Variants in KCNH2 observed in about 807,000 individuals in gnomAD.
The protein encoded by KCNH2 is voltage-gated inwardly rectifying potassium channel KCNH2.
Under a neutral mutation model 95.9 loss-of-function variants are expected in KCNH2, and 35 were observed. The observed-to-expected ratio is 0.37, with a 90% CI of 0.28 to 0.48. The LOEUF is 0.48. KCNH2 is among the 20% of genes least tolerant of loss of function. The pLI is 0.99. For synonymous variants in KCNH2, 786 were observed against 754.7 expected (o/e 1.04, Z -0.68); for missense variants, 1,274 against 1,702.9 (o/e 0.75, Z 4.43).
chr7:150,949,286 A>T, intron 9 of KCNH2: 1 of 1,375,972 alleles, frequency 7.3e-7, no homozygotes, highest in Non-Finnish European at 9.5e-7. Context: ...AGCAAATGAG[A>T]CCCAGCCAGC....
chr7:150,962,620 CGAGA>C lies in KCNH2; in HGVS notation c.308-2888_308-2885del, dbSNP rs1433201410. Among the ~76,000 whole-genome samples, 2 of 72,276 alleles carry C rather than the reference CGAGA, an allele frequency of 2.8e-5. No homozygotes were observed. Among genetic ancestry groups the C allele is most frequent in the African/African-American group, 1.3e-4 (2 of 15,708 alleles). 47.4% of individuals were successfully genotyped at this position (72,276 alleles called of 152,430 possible). ...TGTAACTCACACTTACACACACACA[CGAGA>C]GACAGAGAGAGAGAGAGAGAGAGAG... On this transcript the variant is annotated intron_variant, in intron 2 of 14. Coordinates refer to ENST00000262186, the MANE Select transcript of KCNH2 (RefSeq NM_000238.4). The surrounding 1 kb of genome is among the most constrained non-coding windows in gnomAD (Gnocchi z 5.7).
At chr7:150,975,225 T>G (rs1037395509) in intron 1 of KCNH2, among the ~76,000 whole-genome samples, 5 of 151,946 alleles carry the variant, frequency 3.3e-5, no homozygotes, top group Non-Finnish European at 7.4e-5. Flanking sequence ...GCCTCCTCCA[T>G]GCCCGAGGCT....
Position 150,945,475 on chromosome 7 carries a change from C to T in KCNH2, c.3370G>A (p.Ala1124Thr). Residue 1124 changes from alanine to threonine, a missense_variant, in exon 15 of 15, where the codon GCC becomes ACC. Physicochemically the swap from Ala to Thr is moderately conservative, Grantham distance 58. Transcript: ENST00000262186. The surrounding 1 kb of genome is among the most constrained non-coding windows in gnomAD (Gnocchi z 5.6). ...GGGCCTTCTTGGGGAAGCTCTGGGG[C>T]CCCCGGGGGCAGCTCCTCACACGCC... ...FMACEELPPG[A>T]PELPQEGPTR... is the part of the protein sequence containing the mutation. 1.9e-6 allele frequency: 3 copies of T among 1,556,676 alleles called. No homozygotes were observed. The highest frequency in any genetic ancestry group is 2.4e-5 in the South Asian group (2 of 84,532).
At chr7:150,967,777 A>G (rs934532401) in intron 2 of KCNH2, among the ~76,000 whole-genome samples, 1 of 152,248 alleles carries the variant, frequency 6.6e-6, no homozygotes, top group African/African-American at 2.4e-5. Flanking sequence ...ATCAAAATTA[A>G]GTATCTTTGT....
chr7:150,968,255 G>A (rs929468508), intron 2 of KCNH2, among the ~76,000 whole-genome samples: 2 of 152,212 alleles, frequency 1.3e-5, no homozygotes, highest in Non-Finnish European at 2.9e-5. Context: ...TCCCGGGCGT[G>A]TATCCCACAG....
rs56282717 is a variant in KCNH2, at chr7:150,960,007, G to A, written c.308-271C>T. On this transcript the variant is annotated intron_variant, in intron 2 of 14. Transcript: ENST00000262186. ...TGATTTATCTAGCTCTTTCCCGGCTGCACTTTTTCTCACGCTGGCTATGAT... is the reference window on the plus strand; with the variant it reads ...TGATTTATCTAGCTCTTTCCCGGCTACACTTTTTCTCACGCTGGCTATGAT... 0.16 allele frequency among the ~76,000 whole-genome samples: 24,647 copies of A among 152,174 alleles called. 2,649 individuals are homozygous for A. Among genetic ancestry groups the A allele is most frequent in the Non-Finnish European group, 0.24 (16,249 of 68,000 alleles).
At chr7:150,960,025 G>A (rs1303850241) in intron 2 of KCNH2, among the ~76,000 whole-genome samples, 1 of 152,078 alleles carries the variant, frequency 6.6e-6, no homozygotes, top group African/African-American at 2.4e-5. Context: ...TCTCACGCTG[G>A]CTATGATCCT....
intron 9 of KCNH2, 150 bp downstream of exon 9, chr7:150,950,018 G>A (rs1347244681): frequency 6.3e-7 from 1 of 1,581,192 alleles, no homozygotes; most frequent in Non-Finnish European, 8.6e-7. Flanking sequence ...GCCCCGCTTG[G>A]AGGGCCTGAG....
rs765129442 is a variant in KCNH2, at chr7:150,945,532, C to A, written c.3331-18G>T. On this transcript the variant is annotated intron_variant, in intron 14 of 14. Transcript: ENST00000262186. The surrounding 1 kb of genome is among the most constrained non-coding windows in gnomAD (Gnocchi z 5.6). ...TGGGAAACCTGCAATACACACAGAGCATGGGCAGGCGAAGAGGCCATGGAG... is the reference window on the plus strand; with the variant it reads ...TGGGAAACCTGCAATACACACAGAGAATGGGCAGGCGAAGAGGCCATGGAG... The A allele has an allele frequency of 1.3e-6, 2 of 1,555,986 alleles. No homozygotes were observed. The highest frequency in any genetic ancestry group is 2.4e-5 in the East Asian group (1 of 41,360).
chr7:150,958,402 C>T lies in KCNH2; in HGVS notation c.573G>A (p.Pro191=), dbSNP rs1042630396. The T allele has an allele frequency of 4.8e-6, 7 of 1,450,518 alleles. No individual in the cohort carries two copies. Among genetic ancestry groups the T allele is most frequent in the South Asian group, 1.3e-5 (1 of 74,312 alleles). 89.9% of individuals were successfully genotyped at this position (1,450,518 alleles called of 1,614,324 possible). The change falls in exon 4 of 15, where the codon CCG becomes CCA. Residue 191 remains proline (P), a synonymous_variant. Transcript: ENST00000262186. ...RSGGAGGAGA[P]GAVVVDVDLT... is the part of the protein sequence containing the mutation. ...GGTCCACGTCCACCACCACGGCCCC[C>T]GGGGCGCCCGCGCCGCCCGCGCCGC...
chr7:150,951,886 G>A, intron 6 of KCNH2, 51 bp from the exon 7 acceptor site: 2 of 1,499,274 alleles, frequency 1.3e-6, no homozygotes, highest in Non-Finnish European at 1.8e-6. Flanking sequence ...GGGGGGCAAG[G>A]GAGGAGGGGA....
chr7:150,949,927 T>C (rs984864384), intron 9 of KCNH2: 4 of 1,516,646 alleles, frequency 2.6e-6, no homozygotes, highest in Admixed American at 2.0e-5. Context: ...AAGTGTCTGT[T>C]TGTGGCGGAT....
At chr7:150,955,853 C>G in intron 5 of KCNH2, 1 of 1,042,028 alleles carries the variant, frequency 9.6e-7, no homozygotes, top group Non-Finnish European at 1.2e-6. Context: ...GGTCCCCACC[C>G]CCACCCCGCC....
chr7:150,977,212 C>G (rs41312535), intron 1 of KCNH2, among the ~76,000 whole-genome samples: 1 of 152,188 alleles, frequency 6.6e-6, no homozygotes, highest in East Asian at 1.9e-4. Context: ...ACCCTCAAAG[C>G]CCAGCTCTAG....
chr7:150,959,388 C>A, intron 3 of KCNH2, among the ~76,000 whole-genome samples, 184 bp downstream of exon 3: 1 of 152,194 alleles, frequency 6.6e-6, no homozygotes, highest in East Asian at 1.9e-4. Context: ...ATGTGTCCAT[C>A]CTGGGCCAGG....
chr7:150,970,855 A>T (rs1801823707), intron 2 of KCNH2, among the ~76,000 whole-genome samples: 1 of 152,168 alleles, frequency 6.6e-6, no homozygotes, highest in African/African-American at 2.4e-5. Context: ...ATCCTCTGGG[A>T]TCGCTCTGGT....
chr7:150,966,391 C>CACA (rs1361065772), intron 2 of KCNH2, among the ~76,000 whole-genome samples: 1 of 75,968 alleles, frequency 1.3e-5, no homozygotes, highest in Non-Finnish European at 2.3e-5. Flanking sequence ...TCCCCCCCCC[C>CACA]CACACACACA....
intron 7 of KCNH2, 162 bp from the exon 8 acceptor site, chr7:150,951,282 T>C (rs1801146539): frequency 2.9e-6 from 3 of 1,045,086 alleles, no homozygotes; most frequent in South Asian, 1.4e-5. Context: ...CACCCTTCAG[T>C]AGTCCCCGCC....
intron 2 of KCNH2, among the ~76,000 whole-genome samples, chr7:150,972,058 G>A (rs540970462): frequency 6.6e-6 from 1 of 152,252 alleles, no homozygotes; most frequent in South Asian, 2.1e-4. Flanking sequence ...GGGGCACAGG[G>A]CCAGTGAGCC....
Sources: allele counts gnomAD v4.1 joint callset (sites outside exome capture counted in the v4.1 genomes callset), GRCh38; gene constraint gnomAD v4.1.1; non-coding constraint Gnocchi (gnomAD v3.1); transcripts MANE v1.5; gene names NCBI Gene and HGNC (gene_info 2026-07-23, HGNC 2026-07-21).